Variants in RLF observed in about 807,000 individuals in gnomAD.
RLF encodes RLF zinc finger, also known as zinc finger protein Rlf.
In RLF, 7 loss-of-function variants were observed where a neutral mutation model predicts 162.9. That is an observed-to-expected ratio of 0.04 (90% CI 0.02 to 0.08). The LOEUF (loss-of-function observed/expected upper bound fraction) is 0.08. Among genes scored for constraint, RLF ranks in the 10% least tolerant of loss-of-function variants. RLF has a pLI of 1.00. For synonymous variants in RLF, 782 were observed against 791.5 expected, an observed-to-expected ratio of 0.99 and a Z score of 0.20; for missense variants, 1,664 against 2,244.7, an observed-to-expected ratio of 0.74 and a Z score of 5.23.
At chr1:40,206,797 G>A (rs1642801946) in intron 5 of RLF, among the ~76,000 whole-genome samples, 1 of 152,128 alleles carries the variant, frequency 6.6e-6, no homozygotes, top group Non-Finnish European at 1.5e-5. Flanking sequence ...CTTTGTGCTT[G>A]CTATTCCCTC....
intron 1 of RLF, among the ~76,000 whole-genome samples, chr1:40,181,236 C>T (rs1642401164): frequency 6.6e-6 from 1 of 152,082 alleles, no homozygotes. Flanking sequence ...TTGAGACCAG[C>T]CTGGCCAATA....
chr1:40,180,639 A>G (rs184287423), intron 1 of RLF, among the ~76,000 whole-genome samples: 2 of 152,232 alleles, frequency 1.3e-5, no homozygotes, highest in Admixed American at 1.3e-4. Context: ...GATTTCCCTA[A>G]TTAGTGGTGT....
At chr1:40,210,216 G>A (rs190525504) in intron 5 of RLF, among the ~76,000 whole-genome samples, 4 of 152,298 alleles carry the variant, frequency 2.6e-5, no homozygotes, top group African/African-American at 4.8e-5. Flanking sequence ...ACAGCAAACT[G>A]TATGGCCCAG....
intron 1 of RLF, among the ~76,000 whole-genome samples, chr1:40,180,314 A>G (rs1168377704): frequency 6.6e-6 from 1 of 152,050 alleles, no homozygotes; most frequent in Admixed American, 6.6e-5. Context: ...GCTGGAGTGC[A>G]GTCACATGAT....
chr1:40,163,465 T>C (rs1161844415), intron 1 of RLF, among the ~76,000 whole-genome samples: 2 of 152,216 alleles, frequency 1.3e-5, no homozygotes, highest in African/African-American at 4.8e-5. Context: ...TGTATTCTGC[T>C]TTATGTCTAG....
intron 1 of RLF, among the ~76,000 whole-genome samples, chr1:40,173,514 A>AT (rs34760861): frequency 0.086 from 12,233 of 142,568 alleles, 550 homozygotes; most frequent in South Asian, 0.12. Context: ...TGATCATGTA[A>AT]TTTTTTTTTT....
intron 4 of RLF, 107 bp downstream of exon 4, chr1:40,195,871 G>A: frequency 1.0e-6 from 1 of 969,334 alleles, no homozygotes; most frequent in Admixed American, 2.7e-5. Context: ...TAGTCTTTCT[G>A]TTTTTACTTT....
intron 5 of RLF, among the ~76,000 whole-genome samples, chr1:40,220,701 A>G (rs1407207331): frequency 2.6e-5 from 4 of 152,212 alleles, no homozygotes; most frequent in Non-Finnish European, 4.4e-5. Flanking sequence ...TGCTAGGCAC[A>G]TACATTTTGA....
At chr1:40,207,107 C>T (rs1642807252) in intron 5 of RLF, among the ~76,000 whole-genome samples, 3 of 152,136 alleles carry the variant, frequency 2.0e-5, no homozygotes, top group African/African-American at 7.2e-5. Flanking sequence ...GGTATTTCCT[C>T]CCACTAGATT....
At chr1:40,181,049 A>G (rs1642399227) in intron 1 of RLF, among the ~76,000 whole-genome samples, 1 of 152,128 alleles carries the variant, frequency 6.6e-6, no homozygotes, top group Non-Finnish European at 1.5e-5. Flanking sequence ...ATCCATTTCA[A>G]GTTGGTTTAT....
Position 40,185,826 on chromosome 1 carries a change from CAAAAAAAAAAAAAAAGCAA to C in RLF, c.238-3213_238-3195del, listed in dbSNP as rs1283422374. Among the ~76,000 whole-genome samples, 16 of 30,308 alleles carry C rather than the reference CAAAAAAAAAAAAAAAGCAA, an allele frequency of 5.3e-4. No individual in the cohort carries two copies. In the East Asian group the frequency reaches 0.014, roughly 26 times the overall value. The allele number at this position is 30,308 out of a possible 152,430, so 19.9% of individuals were successfully genotyped here. A position where few individuals can be genotyped will look rare whatever the true frequency, so the allele number is the denominator to read the frequency against. The stretch of plus-strand genomic sequence containing the variant: ...CTGGGCTGACAGAGTGAGACTGTCT[CAAAAAAAAAAAAAAAGCAA>C]AAAAAAAAAAAAAAAAAAAACCACA... On this transcript the variant is annotated intron_variant, in intron 1 of 7. Coordinates refer to ENST00000372771, the MANE Select transcript of RLF (RefSeq NM_012421.4).
intron 5 of RLF, among the ~76,000 whole-genome samples, chr1:40,204,639 C>T (rs1447428101): frequency 6.6e-6 from 1 of 151,380 alleles, no homozygotes; most frequent in Non-Finnish European, 1.5e-5. Flanking sequence ...CCAGGCTGGT[C>T]TCGAACTCCC....
chr1:40,176,806 A>G (rs1466663072), intron 1 of RLF, among the ~76,000 whole-genome samples: 2 of 152,094 alleles, frequency 1.3e-5, no homozygotes, highest in Non-Finnish European at 2.9e-5. Context: ...TTCTTTGACG[A>G]AGTGTCCAAA....
At chr1:40,162,102 A>G (rs1028754491) in intron 1 of RLF, among the ~76,000 whole-genome samples, 6 of 151,906 alleles carry the variant, frequency 3.9e-5, no homozygotes, top group African/African-American at 1.5e-4. Flanking sequence ...CTGGGCTCCT[A>G]AAAGGTATGA....
chr1:40,211,678 A>G (rs1035039014), intron 5 of RLF, among the ~76,000 whole-genome samples: 4 of 151,812 alleles, frequency 2.6e-5, no homozygotes, highest in African/African-American at 7.3e-5. Context: ...CTGGAGTGCA[A>G]TGGCGTGATA....
In RLF at chr1:40,237,552, C is replaced by T. The variant is rs778730621; in HGVS notation, c.2850C>T (p.Asp950=). 17 of 1,613,896 alleles carry T rather than the reference C, an allele frequency of 1.1e-5. No homozygotes were observed. The highest frequency in any genetic ancestry group is 2.7e-5 in the African/African-American group (2 of 74,888). ...EKCSSMAVCF[D]GTKFTCGFDG... ...GTTCCAGTATGGCAGTTTGTTTTGA[C>T]GGGACTAAGTTTACCTGTGGTTTTG... Residue 950 remains aspartate (D), a synonymous_variant, in exon 8 of 8, where the codon GAC becomes GAT. Coordinates refer to ENST00000372771, the MANE Select transcript of RLF (RefSeq NM_012421.4). The surrounding 1 kb of genome is among the most constrained non-coding windows in gnomAD (Gnocchi z 4.4).
rs769153994 is a variant in RLF at position 40,238,824 on chromosome 1, G to C, written c.4122G>C (p.Leu1374=). Residue 1374 remains leucine (L), a synonymous_variant, in exon 8 of 8, where the codon CTG becomes CTC. Transcript: ENST00000372771. This position sits in a 1 kb window ranked among gnomAD's most constrained non-coding sequence, Gnocchi z 5.2. ...CKYKECNKRF[L]CSKALAKHCS... Reference sequence around the variant, plus strand: ...ATAAGGAATGTAATAAACGCTTCCTGTGTTCCAAAGCTCTTGCTAAGCACT... The same window carrying C: ...ATAAGGAATGTAATAAACGCTTCCTCTGTTCCAAAGCTCTTGCTAAGCACT... 3.1e-6 allele frequency: 5 copies of C among 1,613,906 alleles called. No homozygotes were observed. In the Admixed American group the frequency reaches 6.7e-5, roughly 22 times the overall value.
chr1:40,200,609 C>T (rs1476295200), intron 4 of RLF, among the ~76,000 whole-genome samples: 1 of 151,952 alleles, frequency 6.6e-6, no homozygotes, highest in African/African-American at 2.4e-5. Context: ...GTCTTCCATA[C>T]TCATAGAATA....
Position 40,161,669 on chromosome 1 carries a change from G to A in RLF, c.237+33G>A, listed in dbSNP as rs776328139. On this transcript the variant is annotated intron_variant, in intron 1 of 7. Coordinates refer to ENST00000372771, the MANE Select transcript of RLF (RefSeq NM_012421.4). The surrounding 1 kb of genome is among the most constrained non-coding windows in gnomAD (Gnocchi z 4.4). ...GCTGACTGGCTGGCTGAGGGCGGCG[G>A]GGCGGGGAAGTCAGGGAAGGAGGCC... 31 of 1,602,664 alleles carry A rather than the reference G, an allele frequency of 1.9e-5. No individual in the cohort carries two copies. The highest frequency in any genetic ancestry group is 1.0e-5 in the Non-Finnish European group (12 of 1,176,790).
Sources: gnomAD v4.1 joint callset for allele counts (sites outside exome capture counted in the v4.1 genomes callset) on GRCh38, gnomAD v4.1.1 for gene constraint, Gnocchi (gnomAD v3.1) non-coding constraint, MANE v1.5 for transcripts, NCBI Gene and HGNC (gene_info 2026-07-23, HGNC 2026-07-21) for gene names.